The following TMEM178B variants were observed in gnomAD, a reference collection of about 807,000 sequenced individuals.
TMEM178B encodes transmembrane protein 178B.
A neutral mutation model predicts 31.0 loss-of-function variants in TMEM178B; 5 were observed. The ratio of observed to expected loss-of-function variants is 0.16; its 90% CI spans 0.08 to 0.34. TMEM178B has a LOEUF of 0.34. Ranked by LOEUF, TMEM178B falls within the 10% of genes least tolerant of loss-of-function variation. The pLI, the probability that TMEM178B is intolerant of heterozygous loss-of-function variation, is 1.00. For synonymous variants in TMEM178B, 164 were observed against 164.0 expected (o/e 1.00, Z 0.00); for missense variants, 275 against 400.3 (o/e 0.69, Z 2.67).
At position 141,193,790 on chromosome 7, in the gene TMEM178B, C is replaced by T. The variant is rs112289121; in HGVS notation, c.383-18801C>T. 2.4e-3 allele frequency among the ~76,000 whole-genome samples: 368 copies of T among 152,326 alleles called. 1 individual carries two copies. Among genetic ancestry groups the T allele is most frequent in the African/African-American group, 8.2e-3 (343 of 41,576 alleles). On this transcript the variant is annotated intron_variant, in intron 1 of 3. Transcript: ENST00000565468. ...AGGTCCTTCCCTGAATGCCCTGCTG[C>T]CAGTTCCAAGGGCCCCCTGCAGGAC...
At chr7:141,439,737 C>T (rs537414115) in intron 3 of TMEM178B, among the ~76,000 whole-genome samples, 3 of 152,244 alleles carry the variant, frequency 2.0e-5, no homozygotes, top group African/African-American at 4.8e-5. Flanking sequence ...AAACGGGCCG[C>T]GGGCAGATAA....
intron 2 of TMEM178B, among the ~76,000 whole-genome samples, chr7:141,261,040 C>T (rs1054290299): frequency 2.6e-5 from 4 of 152,180 alleles, no homozygotes; most frequent in Admixed American, 2.0e-4. Context: ...AACCCAAGAT[C>T]AGCCTTAGTG....
Position 141,479,542 on chromosome 7 carries a change from G to A in TMEM178B, c.*8756G>A, listed in dbSNP as rs1802437560. On this transcript the variant is annotated 3_prime_UTR_variant, in exon 4 of 4. Transcript: ENST00000565468. The stretch of plus-strand genomic sequence containing the variant: ...ATAGGTATCGAGATCTTAATGGAGA[G>A]AACAGAATAAAATGCAAGGAGCCAA... 6.6e-6 allele frequency: 1 copy of A among 152,178 alleles called. No individual in the cohort carries two copies. The highest frequency in any genetic ancestry group is 2.4e-5 in the African/African-American group (1 of 41,438). The allele number at this position is 152,178 out of a possible 1,614,324, so 9.4% of individuals were successfully genotyped here.
intron 2 of TMEM178B, among the ~76,000 whole-genome samples, chr7:141,397,185 T>C (rs964732652): frequency 7.9e-5 from 12 of 152,208 alleles, no homozygotes; most frequent in Admixed American, 7.2e-4. Flanking sequence ...AAAATCATAG[T>C]GATTAACTGT....
At chr7:141,323,422 A>G (rs1280543759) in intron 2 of TMEM178B, among the ~76,000 whole-genome samples, 1 of 152,174 alleles carries the variant, frequency 6.6e-6, no homozygotes, top group Non-Finnish European at 1.5e-5. Context: ...CTGTTTTTCA[A>G]CCTTCTTATT....
chr7:141,269,377 G>A (rs994532129), intron 2 of TMEM178B, among the ~76,000 whole-genome samples: 1 of 152,128 alleles, frequency 6.6e-6, no homozygotes, highest in Non-Finnish European at 1.5e-5. Flanking sequence ...CTATAGGCAC[G>A]AGCCACTGTG....
intron 2 of TMEM178B, among the ~76,000 whole-genome samples, chr7:141,266,064 A>G (rs1192295246): frequency 6.6e-6 from 1 of 152,204 alleles, no homozygotes; most frequent in Non-Finnish European, 1.5e-5. Flanking sequence ...GGAGCACATC[A>G]GCTCTTCTGG....
chr7:141,121,805 T>G (rs1795411898), intron 1 of TMEM178B, among the ~76,000 whole-genome samples: 2 of 152,204 alleles, frequency 1.3e-5, no homozygotes, highest in Non-Finnish European at 2.9e-5. Context: ...AGGCTTTCCT[T>G]GGGTCTCTGG....
intron 2 of TMEM178B, among the ~76,000 whole-genome samples, chr7:141,288,115 C>G (rs1798478383): frequency 6.6e-6 from 1 of 152,164 alleles, no homozygotes; most frequent in South Asian, 2.1e-4. Flanking sequence ...CCCTCCTCCC[C>G]ACATTTGTCC....
intron 2 of TMEM178B, among the ~76,000 whole-genome samples, chr7:141,288,342 C>A (rs1264271355): frequency 6.6e-6 from 1 of 152,116 alleles, no homozygotes; most frequent in Non-Finnish European, 1.5e-5. Flanking sequence ...GTTTTCCATT[C>A]ATTTTTTTCT....
At chr7:141,264,379 C>T (rs1275077839) in intron 2 of TMEM178B, among the ~76,000 whole-genome samples, 2 of 152,190 alleles carry the variant, frequency 1.3e-5, no homozygotes, top group Admixed American at 6.5e-5. Context: ...TTGCCTGTAT[C>T]TTCTTTGGGA....
intron 2 of TMEM178B, among the ~76,000 whole-genome samples, chr7:141,244,132 C>A (rs1246805434): frequency 6.6e-6 from 1 of 152,182 alleles, no homozygotes; most frequent in African/African-American, 2.4e-5. Context: ...CTGAGATAAG[C>A]ATTGCATAAA....
At chr7:141,483,393 G>A (rs1042576343), downstream of TMEM178B, among the ~76,000 whole-genome samples, 3 of 152,128 alleles carry the variant, frequency 2.0e-5, no homozygotes, top group Admixed American at 2.0e-4. Context: ...TATGTCTAGC[G>A]GTCTCCTTTC....
chr7:141,348,152 A>G (rs951493378), intron 2 of TMEM178B, among the ~76,000 whole-genome samples: 2 of 152,208 alleles, frequency 1.3e-5, no homozygotes, highest in African/African-American at 4.8e-5. Flanking sequence ...CTTGGGTTTT[A>G]CGATAGCGGG....
intron 1 of TMEM178B, among the ~76,000 whole-genome samples, chr7:141,087,196 T>C (rs1279446886): frequency 6.6e-6 from 1 of 152,174 alleles, no homozygotes; most frequent in African/African-American, 2.4e-5. Context: ...GTGGTTGACT[T>C]TTGTAAGTAG....
intron 1 of TMEM178B, among the ~76,000 whole-genome samples, chr7:141,177,651 A>G (rs1237615773): frequency 1.3e-5 from 2 of 152,214 alleles, no homozygotes; most frequent in African/African-American, 4.8e-5. Flanking sequence ...ATATATATTT[A>G]GGATAGTTAG....
intron 2 of TMEM178B, among the ~76,000 whole-genome samples, chr7:141,416,996 G>C (rs930765761): frequency 2.6e-5 from 4 of 152,194 alleles, no homozygotes; most frequent in African/African-American, 9.7e-5. Flanking sequence ...AAACATAAAA[G>C]CAAAGCCATT....
chr7:141,095,043 GAA>G (rs1009646197), intron 1 of TMEM178B, among the ~76,000 whole-genome samples: 17 of 152,036 alleles, frequency 1.1e-4, no homozygotes, highest in Non-Finnish European at 2.5e-4. Context: ...TCCTTTCTTG[GAA>G]AAAAGAGTCT....
chr7:141,384,625 A>T (rs561425890), intron 2 of TMEM178B, among the ~76,000 whole-genome samples: 2 of 152,212 alleles, frequency 1.3e-5, no homozygotes, highest in Non-Finnish European at 2.9e-5. Flanking sequence ...GTAGCCTTGC[A>T]GTACAGTTTG....
Sources: gnomAD v4.1 joint callset for allele counts (sites outside exome capture counted in the v4.1 genomes callset) on GRCh38, gnomAD v4.1.1 for gene constraint, MANE v1.5 for transcripts, NCBI Gene and HGNC (gene_info 2026-07-23, HGNC 2026-07-21) for gene names.